ANKRD26: variants seen among roughly 807,000 people sequenced by gnomAD.
The protein encoded by ANKRD26 is ankyrin repeat domain 26, also known as ankyrin repeat domain-containing protein 26.
ANKRD26 carries 141 observed loss-of-function variants against 208.7 expected under a neutral mutation model. The ratio of observed to expected loss-of-function variants is 0.68; its 90% CI spans 0.59 to 0.78. The LOEUF is 0.78. Among genes scored for constraint, ANKRD26 ranks in the 30% least tolerant of loss-of-function variants. The probability of loss-of-function intolerance (pLI) is 0.00; values close to 1 mark genes in which losing one functional copy is unlikely to be tolerated. For synonymous variants in ANKRD26, 636 were observed against 660.4 expected (o/e 0.96, Z 0.57); for missense variants, 1,889 against 1,938.7 (o/e 0.97, Z 0.48).
At chr10:27,036,938 A>G (rs1426772912) in intron 23 of ANKRD26, among the ~76,000 whole-genome samples, 1 of 152,136 alleles carries the variant, frequency 6.6e-6, no homozygotes, top group Non-Finnish European at 1.5e-5. Flanking sequence ...AGATATTATT[A>G]AAAGCTTCTC....
chr10:27,098,588 G>A (rs184852706), intron 1 of ANKRD26, among the ~76,000 whole-genome samples: 2,028 of 142,504 alleles, frequency 0.014, 15 homozygotes, highest in Non-Finnish European at 0.02. Flanking sequence ...TTGCTCTGTC[G>A]CCCAGGCTGG....
intron 12 of ANKRD26, chr10:27,062,142 C>T (rs984571199): frequency 5.1e-6 from 5 of 985,204 alleles, no homozygotes; most frequent in Non-Finnish European, 4.8e-6. Flanking sequence ...GATCTGTGGT[C>T]TTGATTCTTC....
At chr10:27,017,418 G>C in intron 30 of ANKRD26, 84 bp downstream of exon 30, 1 of 1,405,070 alleles carries the variant, frequency 7.1e-7, no homozygotes, top group Non-Finnish European at 1.0e-6. Flanking sequence ...TGCTATAAGG[G>C]ATGTAGAGGA....
intron 11 of ANKRD26, 179 bp downstream of exon 11, chr10:27,066,308 T>A: frequency 2.3e-6 from 1 of 436,680 alleles, no homozygotes; most frequent in Middle Eastern, 5.9e-4. Flanking sequence ...AGCAGAATTA[T>A]ACTATGCAGC....
At chr10:26,973,873 T>G (rs967085559) in exon 6 of ANKRD26, among the ~76,000 whole-genome samples, 1 of 151,874 alleles carries the variant, frequency 6.6e-6, no homozygotes, top group African/African-American at 2.4e-5. Flanking sequence ...GCCAGGCTGG[T>G]CTCGAACTCT....
chr10:27,066,245 CTT>C (rs61648459), intron 11 of ANKRD26: 247 of 275,216 alleles, frequency 9.0e-4, no homozygotes, highest in Middle Eastern at 2.1e-3. Flanking sequence ...CTTTTCTTTT[CTT>C]TTTTTTTTTG....
chr10:26,959,533 G>C, the ANKRD26 span, among the ~76,000 whole-genome samples: 19 of 151,960 alleles, frequency 1.3e-4, no homozygotes, highest in African/African-American at 4.6e-4. Context: ...AGCTGGTAGA[G>C]AAAGTAAGCT....
chr10:27,066,868 C>T lies in ANKRD26; in HGVS notation c.1207+289G>A, dbSNP rs552133611. ...TGATGCCCAGGCTGGAGTGCAGTGG[C>T]GCAATCTCAGCCCACTGCAACTTCT... On this transcript the variant is annotated intron_variant, in intron 10 of 33. Coordinates refer to ENST00000376087, the MANE Select transcript of ANKRD26 (RefSeq NM_014915.3). Among the ~76,000 whole-genome samples the T allele has an allele frequency of 1.6e-3, 247 of 151,196 alleles. 2 individuals are homozygous for T. Among genetic ancestry groups the T allele is most frequent in the African/African-American group, 2.3e-3 (96 of 41,150 alleles).
At chr10:26,990,996 C>T (rs2052475907), downstream of ANKRD26, among the ~76,000 whole-genome samples, 1 of 152,226 alleles carries the variant, frequency 6.6e-6, no homozygotes, top group African/African-American at 2.4e-5. Flanking sequence ...TCTGCCTGCG[C>T]AGAAGCAGAC....
chr10:27,017,674 T>C lies in ANKRD26; in HGVS notation c.4334A>G (p.Glu1445Gly), dbSNP rs746685771. 3.1e-6 allele frequency: 5 copies of C among 1,613,556 alleles called. No individual in the cohort carries two copies. Among genetic ancestry groups the C allele is most frequent in the East Asian group, 2.2e-5 (1 of 44,780 alleles). ...LSMKTVQKKCEKLQKNKKKLE... is the reference protein window; with the variant it reads ...LSMKTVQKKCGKLQKNKKKLE... ...CTTCTTTTTATTCTTCTGTAGTTTT[T>C]CACATTTCTTTTGTACTGTTTTCAT... Residue 1445 changes from glutamate (E) to glycine (G), a missense_variant, in exon 30 of 34, where the codon GAA becomes GGA. Physicochemically the swap from Glu to Gly is moderately conservative, Grantham distance 98. Transcript: ENST00000376087.
At chr10:27,043,624 G>C (rs765455904) in intron 19 of ANKRD26, 57 bp from the exon 20 acceptor site, 3 of 1,528,294 alleles carry the variant, frequency 2.0e-6, no homozygotes, top group Admixed American at 1.7e-5. Context: ...AGCACATACA[G>C]AAGTGGTAAT....
At chr10:26,963,903 G>GTTTTTTTTTTTTTTTT in the ANKRD26 span, among the ~76,000 whole-genome samples, 46 of 71,810 alleles carry the variant, frequency 6.4e-4, 5 homozygotes, top group East Asian at 4.4e-3. Flanking sequence ...TGGTTGGTTG[G>GTTTTTTTTTTTTTTTT]TTTTTTTTTT....
chr10:26,974,961 T>C (rs2052203336), exon 6 of ANKRD26, among the ~76,000 whole-genome samples: 1 of 152,222 alleles, frequency 6.6e-6, no homozygotes, highest in African/African-American at 2.4e-5. Flanking sequence ...TCTGCAGTTT[T>C]ATTACAATAT....
chr10:26,974,507 A>G (rs558359725), exon 6 of ANKRD26, among the ~76,000 whole-genome samples: 1 of 151,996 alleles, frequency 6.6e-6, no homozygotes, highest in East Asian at 1.9e-4. Context: ...CGCCTGGCTA[A>G]TTTTTTGTAT....
At chr10:26,949,860 A>C in the ANKRD26 span, among the ~76,000 whole-genome samples, 36 of 152,290 alleles carry the variant, frequency 2.4e-4, no homozygotes, top group Non-Finnish European at 7.4e-5. Context: ...ATTAGATGAT[A>C]ATATGTCTTA....
chr10:27,021,601 T>C (rs2053491589), intron 29 of ANKRD26, among the ~76,000 whole-genome samples: 1 of 152,252 alleles, frequency 6.6e-6, no homozygotes, highest in African/African-American at 2.4e-5. Context: ...ATGAGAAATG[T>C]CTGTTTCAGA....
chr10:27,023,867 T>C (rs1035077062), intron 28 of ANKRD26, among the ~76,000 whole-genome samples: 3 of 152,154 alleles, frequency 2.0e-5, no homozygotes, highest in Non-Finnish European at 2.9e-5. Flanking sequence ...TTTGTATATG[T>C]ATGAGGCATA....
At chr10:27,010,670 T>A (rs190922422) in intron 32 of ANKRD26, among the ~76,000 whole-genome samples, 127 of 152,204 alleles carry the variant, frequency 8.3e-4, no homozygotes, top group African/African-American at 2.6e-3. Context: ...TAATTTTTTT[T>A]AATTTTTTGT....
chr10:27,067,084 G>C, intron 10 of ANKRD26, 73 bp downstream of exon 10: 5 of 1,539,514 alleles, frequency 3.2e-6, no homozygotes, highest in Non-Finnish European at 4.5e-6. Flanking sequence ...TGGGATCACA[G>C]GTGTGAGCCA....
Sources: gnomAD v4.1 joint callset for allele counts (sites outside exome capture counted in the v4.1 genomes callset) on GRCh38, gnomAD v4.1.1 for gene constraint, MANE v1.5 for transcripts, NCBI Gene and HGNC (gene_info 2026-07-23, HGNC 2026-07-21) for gene names.